Variants in TASP1 observed in about 807,000 individuals in gnomAD.
TASP1 encodes the protein taspase 1, also known as threonine aspartase 1.
TASP1 carries 16 observed loss-of-function variants against 56.6 expected under a neutral mutation model. That is an observed-to-expected ratio of 0.28 (90% confidence interval 0.19 to 0.43). The LOEUF is 0.43. TASP1 is among the 20% of genes least tolerant of loss of function. The pLI is 1.00. For missense variants in TASP1, 393 were observed against 511.6 expected, an observed-to-expected ratio of 0.77 and a Z score of 2.24; for synonymous variants, 179 against 184.2, an observed-to-expected ratio of 0.97 and a Z score of 0.23.
the TASP1 span, among the ~76,000 whole-genome samples, chr20:13,241,099 A>G: frequency 4.5e-3 from 680 of 152,236 alleles, 2 homozygotes; most frequent in African/African-American, 0.014. Flanking sequence ...TGCTGCTGTG[A>G]GAACAAAAAA....
intron 9 of TASP1, among the ~76,000 whole-genome samples, chr20:13,531,486 C>T (rs2045214942): frequency 1.4e-5 from 2 of 142,246 alleles, no homozygotes; most frequent in Non-Finnish European, 3.1e-5. Context: ...ATTTCTTATC[C>T]TTTTTTTTTT....
At chr20:13,213,049 G>A in the TASP1 span, among the ~76,000 whole-genome samples, 1 of 152,166 alleles carries the variant, frequency 6.6e-6, no homozygotes, top group African/African-American at 2.4e-5. Flanking sequence ...TCTTAGAGGT[G>A]TCAGTTTGAT....
At chr20:13,321,291 TAAAG>T in the TASP1 span, among the ~76,000 whole-genome samples, 2 of 72,402 alleles carry the variant, frequency 2.8e-5, no homozygotes, top group Non-Finnish European at 5.7e-5. Flanking sequence ...TTATGACAAA[TAAAG>T]AAGATGCTGA....
intron 4 of TASP1, among the ~76,000 whole-genome samples, chr20:13,588,580 CA>C (rs892949140): frequency 1.1e-4 from 17 of 151,668 alleles, no homozygotes; most frequent in African/African-American, 4.1e-4. Context: ...ACATCAAAAA[CA>C]AAAAAACAGA....
the TASP1 span, among the ~76,000 whole-genome samples, chr20:13,277,393 A>G: frequency 6.7e-6 from 1 of 149,170 alleles, no homozygotes; most frequent in South Asian, 2.1e-4. Flanking sequence ...AGCCTTGCAG[A>G]CGATTGTTGC....
At chr20:13,291,367 T>TG in the TASP1 span, among the ~76,000 whole-genome samples, 6 of 152,208 alleles carry the variant, frequency 3.9e-5, no homozygotes, top group Non-Finnish European at 8.8e-5. Flanking sequence ...GAAAGACTCA[T>TG]GGGGCAAAGT....
intron 10 of TASP1, among the ~76,000 whole-genome samples, chr20:13,500,587 A>C (rs1435831816): frequency 6.6e-6 from 1 of 151,964 alleles, no homozygotes; most frequent in Non-Finnish European, 1.5e-5. Flanking sequence ...CTATTAAAAT[A>C]AATCAAAAAG....
chr20:13,473,253 C>T (rs1335689075), intron 11 of TASP1, among the ~76,000 whole-genome samples: 4 of 151,646 alleles, frequency 2.6e-5, no homozygotes, highest in Admixed American at 1.3e-4. Context: ...AACCAAACAC[C>T]GCATGTTCTC....
At chr20:13,372,202 A>G in the TASP1 span, among the ~76,000 whole-genome samples, 1 of 152,212 alleles carries the variant, frequency 6.6e-6, no homozygotes, top group Non-Finnish European at 1.5e-5. Context: ...TAGTATTTAA[A>G]TCAGTGAACA....
At chr20:13,454,332 C>T (rs1170256715) in intron 11 of TASP1, among the ~76,000 whole-genome samples, 3 of 152,118 alleles carry the variant, frequency 2.0e-5, no homozygotes, top group Non-Finnish European at 4.4e-5. Context: ...GCTTAGGAAA[C>T]GTCTGTGGTA....
the TASP1 span, among the ~76,000 whole-genome samples, chr20:13,109,323 G>A: frequency 6.6e-6 from 1 of 152,234 alleles, no homozygotes; most frequent in East Asian, 1.9e-4. Flanking sequence ...AGGCAGCAAA[G>A]GGTAGTGTTA....
At chr20:13,493,607 C>T (rs2043620435) in intron 10 of TASP1, among the ~76,000 whole-genome samples, 1 of 152,136 alleles carries the variant, frequency 6.6e-6, no homozygotes, top group South Asian at 2.1e-4. Flanking sequence ...CTGTCAGCTT[C>T]CCTGGTTTTG....
the TASP1 span, among the ~76,000 whole-genome samples, chr20:13,229,983 ATTTCTTAATTTT>A: frequency 6.6e-6 from 1 of 152,092 alleles, no homozygotes; most frequent in South Asian, 2.1e-4. Context: ...CTATAATTCT[ATTTCTTAATTTT>A]ATTTTCCTTT....
intron 8 of TASP1, among the ~76,000 whole-genome samples, chr20:13,536,584 T>C (rs1284388546): frequency 1.3e-5 from 2 of 152,216 alleles, no homozygotes; most frequent in Non-Finnish European, 2.9e-5. Flanking sequence ...AAGATTATTT[T>C]TGGAAATACT....
At chr20:13,292,329 T>C in the TASP1 span, 1 of 1,291,538 alleles carries the variant, frequency 7.7e-7, no homozygotes, top group South Asian at 1.3e-5. Flanking sequence ...GGGAGATAAC[T>C]TTTTCCATGT....
chr20:13,358,283 T>C, the TASP1 span, among the ~76,000 whole-genome samples: 2 of 152,358 alleles, frequency 1.3e-5, no homozygotes, highest in Middle Eastern at 6.8e-3. Context: ...ACAGCCATGT[T>C]GCTCACACAA....
intron 7 of TASP1, among the ~76,000 whole-genome samples, chr20:13,562,839 T>C (rs906725248): frequency 1.4e-5 from 2 of 147,336 alleles, no homozygotes; most frequent in African/African-American, 5.0e-5. Context: ...TTTGCGCCAC[T>C]GCACTCCAGC....
chr20:13,246,937 A>T, the TASP1 span, among the ~76,000 whole-genome samples: 33 of 151,602 alleles, frequency 2.2e-4, no homozygotes, highest in African/African-American at 6.3e-4. Context: ...GAGATTTAAA[A>T]ATATATATAT....
At chr20:13,392,847 C>T in intron 13 of TASP1, 1 of 668,508 alleles carries the variant, frequency 1.5e-6, no homozygotes, top group Non-Finnish European at 2.7e-6. Flanking sequence ...AATCCCATGG[C>T]ACCATCAAGG....
Sources: allele counts gnomAD v4.1 joint callset (sites outside exome capture counted in the v4.1 genomes callset), GRCh38; gene constraint gnomAD v4.1.1; transcripts MANE v1.5; gene names NCBI Gene and HGNC (gene_info 2026-07-23, HGNC 2026-07-21).